Variants in DCDC1 observed in about 807,000 individuals in gnomAD.
The protein encoded by DCDC1 is doublecortin domain containing 1.
A neutral mutation model predicts 178.3 loss-of-function variants in DCDC1; 200 were observed. That is an observed-to-expected ratio of 1.12 (90% CI 1.00 to 1.26). DCDC1 has a LOEUF of 1.26. DCDC1 is among the 50% of genes most tolerant of loss of function. The pLI is 0.00. For synonymous variants in DCDC1, 690 were observed against 604.8 expected, an observed-to-expected ratio of 1.14 and a Z score of -2.07; for missense variants, 1,983 against 1,749.2, an observed-to-expected ratio of 1.13 and a Z score of -2.38.
chr11:31,138,478 AATG>A (rs1416293778), intron 9 of DCDC1, among the ~76,000 whole-genome samples: 5 of 152,206 alleles, frequency 3.3e-5, no homozygotes, highest in African/African-American at 1.2e-4. Context: ...TTCAAACAAA[AATG>A]ATGTTAAACT....
chr11:31,148,707 A>C (rs1964772022), intron 9 of DCDC1, among the ~76,000 whole-genome samples: 1 of 151,882 alleles, frequency 6.6e-6, no homozygotes, highest in African/African-American at 2.4e-5. Context: ...CGTCTCAAAA[A>C]AAAAAAAAGT....
chr11:31,042,858 T>C (rs1385136832), intron 20 of DCDC1, among the ~76,000 whole-genome samples: 1 of 152,160 alleles, frequency 6.6e-6, no homozygotes, highest in African/African-American at 2.4e-5. Context: ...CTAGTGTTGG[T>C]GCACATGACC....
intron 21 of DCDC1, among the ~76,000 whole-genome samples, chr11:30,939,829 C>T (rs1947515101): frequency 6.6e-6 from 1 of 152,092 alleles, no homozygotes; most frequent in Non-Finnish European, 1.5e-5. Context: ...CACTTCTTTT[C>T]TTATATTCTG....
chr11:31,182,943 G>A (rs1393605601), intron 9 of DCDC1, among the ~76,000 whole-genome samples: 1 of 151,940 alleles, frequency 6.6e-6, no homozygotes, highest in Non-Finnish European at 1.5e-5. Context: ...AAAAGCAGGG[G>A]TTGCAATCCT....
chr11:31,088,836 T>C (rs1019077185), intron 17 of DCDC1, among the ~76,000 whole-genome samples: 4 of 152,086 alleles, frequency 2.6e-5, no homozygotes, highest in Admixed American at 6.6e-5. Flanking sequence ...GAGCTGGAAC[T>C]ACAGGTGTAG....
chr11:31,085,656 GTTTT>G (rs901891023), intron 17 of DCDC1, among the ~76,000 whole-genome samples: 1 of 150,786 alleles, frequency 6.6e-6, no homozygotes. Flanking sequence ...GTTATTTCTA[GTTTT>G]TTTTTCTGTA....
chr11:30,918,731 G>C (rs564952042), intron 25 of DCDC1, among the ~76,000 whole-genome samples: 1 of 152,314 alleles, frequency 6.6e-6, no homozygotes, highest in Admixed American at 6.5e-5. Context: ...TGACAGGTAT[G>C]CAGTGAGTGA....
chr11:31,363,406 A>T (rs1328558572), intron 1 of DCDC1, among the ~76,000 whole-genome samples: 1 of 152,186 alleles, frequency 6.6e-6, no homozygotes, highest in Non-Finnish European at 1.5e-5. Flanking sequence ...CAAAGATAAC[A>T]ATGATACTAA....
At chr11:30,939,437 T>C (rs1383088734) in intron 21 of DCDC1, among the ~76,000 whole-genome samples, 1 of 152,122 alleles carries the variant, frequency 6.6e-6, no homozygotes, top group African/African-American at 2.4e-5. Context: ...AGTGAGAGTT[T>C]TTAATAACAG....
chr11:31,250,411 C>CACACACAT lies in DCDC1; in HGVS notation c.1055-8796_1055-8795insATGTGTGT, dbSNP rs1555146140. ...ACACACACACACACACACACACACA[C>CACACACAT]ACACATATACATATATATGTATATA... On this transcript the variant is annotated intron_variant, in intron 8 of 38. Transcript: ENST00000684477. Among the ~76,000 whole-genome samples, 6 of 97,598 alleles carry CACACACAT rather than the reference C, an allele frequency of 6.1e-5. 2 individuals carry two copies. The East Asian group carries it at 3.4e-3, about 56-fold the overall frequency. 64.0% of individuals were successfully genotyped at this position (97,598 alleles called of 152,430 possible).
chr11:31,090,083 C>A (rs1957720094), intron 17 of DCDC1, among the ~76,000 whole-genome samples: 1 of 152,114 alleles, frequency 6.6e-6, no homozygotes. Context: ...AATCTTATTA[C>A]CCAGTCTGCG....
chr11:30,981,380 A>G (rs559972221), intron 20 of DCDC1, among the ~76,000 whole-genome samples: 3 of 152,320 alleles, frequency 2.0e-5, no homozygotes, highest in South Asian at 2.1e-4. Flanking sequence ...AACTGCTATA[A>G]AGATTAAACA....
At chr11:31,358,538 CATGTCTAAAA>C (rs1326280917) in intron 1 of DCDC1, among the ~76,000 whole-genome samples, 2 of 151,686 alleles carry the variant, frequency 1.3e-5, no homozygotes, top group Non-Finnish European at 2.9e-5. Flanking sequence ...GCAAGGACTT[CATGTCTAAAA>C]CACCAAAAGC....
At chr11:31,212,079 T>A (rs1972605754) in intron 9 of DCDC1, among the ~76,000 whole-genome samples, 2 of 130,498 alleles carry the variant, frequency 1.5e-5, no homozygotes. Flanking sequence ...CGAGACTCAG[T>A]CTCAAAAAAA....
chr11:31,078,791 G>T (rs1957007516), intron 17 of DCDC1, among the ~76,000 whole-genome samples: 1 of 152,046 alleles, frequency 6.6e-6, no homozygotes, highest in Admixed American at 6.6e-5. Flanking sequence ...AGCCTCAGAG[G>T]TTTTGATTCT....
chr11:30,937,521 C>T (rs1197919265), intron 21 of DCDC1, among the ~76,000 whole-genome samples: 2 of 152,114 alleles, frequency 1.3e-5, no homozygotes, highest in African/African-American at 2.4e-5. Context: ...CTTTTCACTG[C>T]CTTTCCCTTC....
intron 38 of DCDC1, among the ~76,000 whole-genome samples, chr11:30,868,364 C>G (rs760307706): frequency 2.6e-5 from 4 of 150,958 alleles, no homozygotes; most frequent in African/African-American, 9.8e-5. Context: ...GATTCTCCTG[C>G]CTCAGCCTCT....
chr11:30,986,336 C>T (rs290737), intron 20 of DCDC1, among the ~76,000 whole-genome samples: 31,712 of 139,870 alleles, frequency 0.23, 4,722 homozygotes, highest in African/African-American at 0.47. Flanking sequence ...TTCTCTCTCT[C>T]TTTTTTTTTT....
chr11:31,104,621 T>G (rs1958732279), intron 13 of DCDC1, among the ~76,000 whole-genome samples: 1 of 152,150 alleles, frequency 6.6e-6, no homozygotes, highest in Non-Finnish European at 1.5e-5. Context: ...ATATTTTGGT[T>G]AGCTTGAATA....
Sources: allele counts gnomAD v4.1 joint callset (sites outside exome capture counted in the v4.1 genomes callset), GRCh38; gene constraint gnomAD v4.1.1; transcripts MANE v1.5; gene names NCBI Gene and HGNC (gene_info 2026-07-23, HGNC 2026-07-21).